Variants in SND1 observed in about 807,000 individuals in gnomAD.
The protein encoded by SND1 is staphylococcal nuclease domain-containing protein 1.
In SND1, 38 loss-of-function variants were observed where a neutral mutation model predicts 121.7. That is an observed-to-expected ratio of 0.31 (90% CI 0.24 to 0.41). The LOEUF is 0.41. Ranked by LOEUF, SND1 falls within the 10% of genes least tolerant of loss-of-function variation. The pLI, the probability that SND1 is intolerant of heterozygous loss-of-function variation, is 1.00. For synonymous variants in SND1, 401 were observed against 447.4 expected (o/e 0.90, Z 1.31); for missense variants, 868 against 1,184.6 (o/e 0.73, Z 3.92).
At position 128,029,308 on chromosome 7, in the gene SND1, C is replaced by T. The variant is rs1321712899; in HGVS notation, c.1779+38252C>T. The T allele has an allele frequency of 6.2e-7, 1 of 1,614,172 alleles. No homozygotes were observed. The highest frequency in any genetic ancestry group is 8.5e-7 in the Non-Finnish European group (1 of 1,180,038). Reference sequence around the variant, plus strand: ...AAGCTGTAGTTGGAGGTGTTAAGCTCAGCCGTGCTCACATTGAGGTAGGCC... The same window carrying T: ...AAGCTGTAGTTGGAGGTGTTAAGCTTAGCCGTGCTCACATTGAGGTAGGCC... On this transcript the variant is annotated intron_variant, in intron 16 of 23. Coordinates refer to ENST00000354725, the MANE Select transcript of SND1 (RefSeq NM_014390.4). This position sits in a 1 kb window ranked among gnomAD's most constrained non-coding sequence, Gnocchi z 4.2.
At chr7:127,846,429 A>G (rs1210599440) in intron 12 of SND1, among the ~76,000 whole-genome samples, 2 of 152,156 alleles carry the variant, frequency 1.3e-5, no homozygotes, top group African/African-American at 2.4e-5. Flanking sequence ...ATCCTGAACT[A>G]TAGTTTGTGG....
At chr7:127,885,315 G>A (rs1381607522) in intron 12 of SND1, among the ~76,000 whole-genome samples, 2 of 152,132 alleles carry the variant, frequency 1.3e-5, no homozygotes, top group Admixed American at 1.3e-4. Flanking sequence ...TGCACGTAGT[G>A]AATGCCCAAT....
intron 15 of SND1, among the ~76,000 whole-genome samples, chr7:127,943,429 A>C (rs1200337269): frequency 6.6e-6 from 1 of 152,164 alleles, no homozygotes; most frequent in Non-Finnish European, 1.5e-5. Context: ...ATTGTTACCT[A>C]TCTCTGTATT....
At chr7:127,887,119 A>C (rs1412035766) in intron 12 of SND1, among the ~76,000 whole-genome samples, 2 of 151,806 alleles carry the variant, frequency 1.3e-5, no homozygotes, top group Non-Finnish European at 2.9e-5. Context: ...TCAGCATTCC[A>C]AGTAGCTGGA....
At chr7:127,930,030 C>A (rs1800929000) in intron 15 of SND1, among the ~76,000 whole-genome samples, 1 of 152,228 alleles carries the variant, frequency 6.6e-6, no homozygotes, top group African/African-American at 2.4e-5. Context: ...CAAACTGCTT[C>A]ATTTCTTTGC....
intron 13 of SND1, among the ~76,000 whole-genome samples, chr7:127,891,262 G>A (rs1465244792): frequency 6.6e-6 from 1 of 152,056 alleles, no homozygotes; most frequent in Admixed American, 6.6e-5. Flanking sequence ...TTGAGACAGG[G>A]CTTTGCTCTG....
intron 16 of SND1, among the ~76,000 whole-genome samples, chr7:128,074,060 G>A (rs761407693): frequency 4.6e-5 from 7 of 152,152 alleles, no homozygotes; most frequent in South Asian, 4.1e-4. Context: ...CATTAGACAC[G>A]AATTCATTCA....
intron 15 of SND1, among the ~76,000 whole-genome samples, chr7:127,949,792 G>A (rs1317437258): frequency 1.3e-5 from 2 of 152,160 alleles, no homozygotes; most frequent in Non-Finnish European, 2.9e-5. Context: ...GAAGGAAAAG[G>A]TGCTTCCCTC....
chr7:127,658,511 A>G (rs1030812389), intron 1 of SND1, among the ~76,000 whole-genome samples: 1 of 152,250 alleles, frequency 6.6e-6, no homozygotes. Context: ...GCTAAATAGC[A>G]TCTAGAACTT....
At chr7:127,852,509 A>T (rs1245610630) in intron 12 of SND1, among the ~76,000 whole-genome samples, 1 of 149,682 alleles carries the variant, frequency 6.7e-6, no homozygotes, top group Admixed American at 6.7e-5. Flanking sequence ...AAAAAAAAAG[A>T]AAAAAGGGAG....
chr7:127,918,337 A>G (rs560916733), intron 14 of SND1, among the ~76,000 whole-genome samples: 27 of 152,146 alleles, frequency 1.8e-4, no homozygotes, highest in African/African-American at 5.8e-4. Flanking sequence ...AAGTTCTGAG[A>G]TTACAGGCGT....
chr7:127,844,270 A>G (rs1489821641), intron 11 of SND1, 54 bp from the exon 12 acceptor site: 1 of 1,407,266 alleles, frequency 7.1e-7, no homozygotes, highest in Middle Eastern at 1.8e-4. Flanking sequence ...TGTGGCTGCT[A>G]GTGAGCTATG....
chr7:128,057,678 C>T (rs533532945), intron 16 of SND1, among the ~76,000 whole-genome samples: 19 of 152,006 alleles, frequency 1.2e-4, no homozygotes, highest in Non-Finnish European at 2.4e-4. Flanking sequence ...TGCCGAATCT[C>T]GCTAGTGTGG....
At chr7:128,032,975 C>T (rs1310261561) in intron 16 of SND1, among the ~76,000 whole-genome samples, 1 of 152,206 alleles carries the variant, frequency 6.6e-6, no homozygotes, top group Non-Finnish European at 1.5e-5. Flanking sequence ...CCGGAGCCCA[C>T]GACACAGCCC....
At chr7:127,821,714 T>G (rs893998460) in intron 11 of SND1, among the ~76,000 whole-genome samples, 2 of 83,654 alleles carry the variant, frequency 2.4e-5, no homozygotes, top group South Asian at 1.1e-3. Context: ...AGAAAGGATG[T>G]GTTAAAAAAA....
intron 10 of SND1, among the ~76,000 whole-genome samples, chr7:127,754,850 A>G (rs750379447): frequency 1.4e-4 from 21 of 152,244 alleles, no homozygotes; most frequent in African/African-American, 1.9e-4. Flanking sequence ...TTGGCTTGCA[A>G]ATATTTCAGT....
Position 127,990,980 on chromosome 7 carries a change from C to T in SND1, c.1703C>T (p.Pro568Leu), listed in dbSNP as rs1802510316. 2.5e-6 allele frequency: 4 copies of T among 1,613,912 alleles called. No individual in the cohort carries two copies. The highest frequency in any genetic ancestry group is 1.1e-5 in the South Asian group (1 of 91,068). Reference sequence around the variant, plus strand: ...TGCCCCAGAGGAGCCCGAAACCTCCCAGGCTTGGTGCAGGAAGGAGAGCCC... The same window carrying T: ...TGCCCCAGAGGAGCCCGAAACCTCCTAGGCTTGGTGCAGGAAGGAGAGCCC... ...IECPRGARNL[P>L]GLVQEGEPFS... Residue 568 changes from proline (P) to leucine (L), a missense_variant, in exon 16 of 24, where the codon CCA (proline) becomes CTA (leucine). By Grantham distance (98) the Pro-to-Leu change is moderately conservative. Around this residue, in one of 2 missense-constraint regions of SND1, gnomAD observed 743 missense variants for 1,071.3 expected, o/e 0.69. Coordinates refer to ENST00000354725, the MANE Select transcript of SND1 (RefSeq NM_014390.4).
Position 127,674,186 on chromosome 7 carries a change from C to T in SND1, c.79-12427C>T, listed in dbSNP as rs117967351. Among the ~76,000 whole-genome samples, 784 of 152,190 alleles carry T rather than the reference C, an allele frequency of 5.2e-3. 24 individuals are homozygous for T. The highest frequency in any genetic ancestry group is 0.05 in the East Asian group (258 of 5,170). ...CGTCCCCACTTGCATTTCTGCATTC[C>T]GTCCAAGAAACAGGAATGTTTAGCC... On this transcript the variant is annotated intron_variant, in intron 1 of 23. Coordinates refer to ENST00000354725, the MANE Select transcript of SND1 (RefSeq NM_014390.4).
intron 15 of SND1, among the ~76,000 whole-genome samples, chr7:127,937,376 T>C (rs1271859173): frequency 6.6e-6 from 1 of 151,982 alleles, no homozygotes; most frequent in African/African-American, 2.4e-5. Flanking sequence ...GACAAGAAAA[T>C]GAGACTTCCC....
Sources: gnomAD v4.1 joint callset for allele counts (sites outside exome capture counted in the v4.1 genomes callset) on GRCh38, gnomAD v4.1.1 for gene constraint, gnomAD v4.1.1 regional missense constraint, Gnocchi (gnomAD v3.1) non-coding constraint, MANE v1.5 for transcripts, NCBI Gene and HGNC (gene_info 2026-07-23, HGNC 2026-07-21) for gene names.